EIF2AK1: variants seen among roughly 807,000 people sequenced by gnomAD.
The protein encoded by EIF2AK1 is eukaryotic translation initiation factor 2-alpha kinase 1.
EIF2AK1 carries 54 observed loss-of-function variants against 77.9 expected under a neutral mutation model. The ratio of observed to expected loss-of-function variants is 0.69; its 90% confidence interval spans 0.56 to 0.87. The LOEUF is 0.87. Ranked by LOEUF, EIF2AK1 falls within the 40% of genes least tolerant of loss-of-function variation. The probability of loss-of-function intolerance (pLI) is 0.00; values close to 1 mark genes in which losing one functional copy is unlikely to be tolerated. For synonymous variants in EIF2AK1, 314 were observed against 290.5 expected (o/e 1.08, Z -0.82); for missense variants, 810 against 768.6 (o/e 1.05, Z -0.64).
chr7:6,053,327 T>G (rs1788659581), intron 2 of EIF2AK1, among the ~76,000 whole-genome samples: 1 of 152,168 alleles, frequency 6.6e-6, no homozygotes, highest in Non-Finnish European at 1.5e-5. Flanking sequence ...CATTTATCCC[T>G]TCTTTGTGTT....
chr7:6,040,544 C>G (rs1401559226), intron 9 of EIF2AK1, among the ~76,000 whole-genome samples: 1 of 152,144 alleles, frequency 6.6e-6, no homozygotes, highest in African/African-American at 2.4e-5. Context: ...TGGGACTCAC[C>G]TAAAGTCATG....
Position 6,047,089 on chromosome 7 carries a change from G to A in EIF2AK1, c.452C>T (p.Ser151Leu). The change falls in exon 5 of 15, where the codon TCA (serine) becomes TTA (leucine). Residue 151 changes from serine (S) to leucine (L), a missense_variant and splice_region_variant. By Grantham distance (145) the Ser-to-Leu change is moderately radical (BLOSUM62 -2). Coordinates refer to ENST00000199389, the MANE Select transcript of EIF2AK1 (RefSeq NM_014413.4). ...EDISRIQKIRSREVALEAQTS... is the reference protein window; with the variant it reads ...EDISRIQKIRLREVALEAQTS... ...TTGTGCTTCCAAGGCTACTTCCCTT[G>A]ATCTGAAAGTTAAATACAAACAATC... The A allele has an allele frequency of 6.2e-7, 1 of 1,611,286 alleles. No homozygotes were observed. The highest frequency in any genetic ancestry group is 8.5e-7 in the Non-Finnish European group (1 of 1,178,232).
chr7:6,046,169 A>G lies in EIF2AK1; in HGVS notation c.550-18T>C. On this transcript the variant is annotated intron_variant, in intron 5 of 14. Transcript: ENST00000199389. ...TTCCTGACCTGAAAAGTAGAAAAAA[A>G]GACAAAGTATATTGTGTCATTAAAC... 7.1e-7 allele frequency: 1 copy of G among 1,399,302 alleles called. No individual in the cohort carries two copies. Among genetic ancestry groups the G allele is most frequent in the Middle Eastern group, 1.8e-4 (1 of 5,604 alleles). 86.7% of individuals were successfully genotyped at this position (1,399,302 alleles called of 1,614,324 possible). A position where few individuals can be genotyped will look rare whatever the true frequency, so the allele number is the denominator to read the frequency against.
chr7:6,030,685 G>A (rs773160386), intron 11 of EIF2AK1, among the ~76,000 whole-genome samples: 4 of 152,110 alleles, frequency 2.6e-5, no homozygotes, highest in Non-Finnish European at 4.4e-5. Flanking sequence ...TTTTAGTAGC[G>A]ACAGGGTTTC....
chr7:6,042,339 T>C (rs1414070776), intron 8 of EIF2AK1, among the ~76,000 whole-genome samples: 1 of 151,544 alleles, frequency 6.6e-6, no homozygotes, highest in Non-Finnish European at 1.5e-5. Flanking sequence ...TAATCCCAGC[T>C]TCTAGGGAGG....
In EIF2AK1 at chr7:6,058,988, C is replaced by A. The variant is rs532549531; in HGVS notation, c.96G>T (p.Glu32Asp). The part of the protein sequence containing the change: ...AAPPAIDFPA[E>D]GPDPEYDESD... Reference sequence around the variant, plus strand: ...CACCGTCATATTCGGGGTCCGGGCCCTCGGCGGGAAAGTCGATGGCCGGCG... The same window carrying A: ...CACCGTCATATTCGGGGTCCGGGCCATCGGCGGGAAAGTCGATGGCCGGCG... Residue 32 changes from glutamate to aspartate, a missense_variant, in exon 1 of 15, where the codon GAG (glutamate) becomes GAT (aspartate). Transcript: ENST00000199389. 2 of 1,541,388 alleles carry A rather than the reference C, an allele frequency of 1.3e-6. No individual in the cohort carries two copies. Among genetic ancestry groups the A allele is most frequent in the East Asian group, 2.7e-5 (1 of 37,014 alleles).
rs1174269929 is a variant in EIF2AK1, at chr7:6,035,452, C to G, written c.1332+1972G>C. ...ATCAATACCCATTCTAGGGACACGA[C>G]AGGCCTCACCACACTCAACTTAATG... On this transcript the variant is annotated intron_variant, in intron 11 of 14. Coordinates refer to ENST00000199389, the MANE Select transcript of EIF2AK1 (RefSeq NM_014413.4). The surrounding 1 kb of genome is among the most constrained non-coding windows in gnomAD (Gnocchi z 5.5). 1 of 1,549,958 alleles carries G rather than the reference C, an allele frequency of 6.5e-7. No homozygotes were observed. Among genetic ancestry groups the G allele is most frequent in the East Asian group, 2.4e-5 (1 of 40,916 alleles).
chr7:6,026,478 T>G (rs954252016), intron 14 of EIF2AK1: 9 of 654,110 alleles, frequency 1.4e-5, no homozygotes, highest in Non-Finnish European at 2.6e-5. Context: ...CGCTCCTCTT[T>G]GTGAACACCA....
At position 6,043,028 on chromosome 7, in the gene EIF2AK1, G is replaced by C. The variant is rs189966501; in HGVS notation, c.731-35C>G. 1.2e-3 allele frequency: 1,891 copies of C among 1,603,072 alleles called. 3 individuals carry two copies. The highest frequency in any genetic ancestry group is 1.4e-3 in the Admixed American group (84 of 59,316). On this transcript the variant is annotated intron_variant, in intron 7 of 14. Coordinates refer to ENST00000199389, the MANE Select transcript of EIF2AK1 (RefSeq NM_014413.4). ...AACAAACAACAATCATCTTCAAACA[G>C]CCCAGTTTTTCAAATTGTAGTCAAA...
At chr7:6,046,330 T>C (rs1788443594) in intron 5 of EIF2AK1, 179 bp from the exon 6 acceptor site, 3 of 372,440 alleles carry the variant, frequency 8.1e-6, no homozygotes, top group Non-Finnish European at 9.6e-6. Context: ...TCAGATAGTG[T>C]TGGAAGTCTA....
Position 6,024,704 on chromosome 7 carries a change from C to G in EIF2AK1, c.1862G>C (p.Arg621Thr). The change falls in exon 15 of 15, where the codon AGG becomes ACG. Residue 621 changes from arginine to threonine, a missense_variant. By Grantham distance (71) the Arg-to-Thr change is moderately conservative. This residue lies in a region of EIF2AK1 where 549 missense variants were observed against 533.7 expected (regional missense o/e 1.03). Transcript: ENST00000199389. The part of the protein sequence containing the change: ...LNLLSQDKGV[R>T]DDGKDGGVG ...CACGCCCCCATCCTTTCCGTCATCC[C>G]TCACCCCTTTGTCTTGAGAAAGGAG... 1 of 1,612,518 alleles carries G rather than the reference C, an allele frequency of 6.2e-7. No individual in the cohort carries two copies. The highest frequency in any genetic ancestry group is 8.5e-7 in the Non-Finnish European group (1 of 1,179,594).
chr7:6,041,017 C>A lies in EIF2AK1; in HGVS notation c.994G>T (p.Gly332Cys). The A allele has an allele frequency of 6.2e-7, 1 of 1,614,162 alleles. No homozygotes were observed. Among genetic ancestry groups the A allele is most frequent in the East Asian group, 2.2e-5 (1 of 44,882 alleles). The change falls in exon 9 of 15, where the codon GGT becomes TGT. Residue 332 changes from glycine to cysteine, a missense_variant. Gly to Cys is a radical substitution (Grantham distance 159). Around this residue, in one of 3 missense-constraint regions of EIF2AK1, gnomAD observed 549 missense variants for 533.7 expected, o/e 1.03. Transcript: ENST00000199389. Reference protein sequence around the residue: ...TLELQENGLAGLSASSIVEQQ... With the variant: ...TLELQENGLACLSASSIVEQQ... ...TCCACAATTGAACTGGCAGACAAAC[C>A]AGCCAAGCCATTTTCCTGGAGCTCC... is the stretch of plus-strand genomic sequence containing the variant.
chr7:6,053,952 A>T (rs1250365271), intron 2 of EIF2AK1, among the ~76,000 whole-genome samples: 1 of 151,760 alleles, frequency 6.6e-6, no homozygotes, highest in Non-Finnish European at 1.5e-5. Context: ...GATTACAGGC[A>T]TGAGCCACTG....
At chr7:6,051,930 T>C (rs1041389914) in intron 2 of EIF2AK1, among the ~76,000 whole-genome samples, 4 of 151,940 alleles carry the variant, frequency 2.6e-5, no homozygotes, top group Non-Finnish European at 5.9e-5. Context: ...CCCAGCACTT[T>C]GGGAGGCCAA....
chr7:6,037,254 A>G (rs1490315698), intron 11 of EIF2AK1, among the ~76,000 whole-genome samples, 170 bp downstream of exon 11: 1 of 151,936 alleles, frequency 6.6e-6, no homozygotes, highest in Non-Finnish European at 1.5e-5. Flanking sequence ...AATTCGACCT[A>G]ATGTTTCCAT....
Position 6,057,259 on chromosome 7 carries a change from T to C in EIF2AK1, c.118+1707A>G, listed in dbSNP as rs568766128. Among the ~76,000 whole-genome samples, 224 of 150,996 alleles carry C rather than the reference T, an allele frequency of 1.5e-3. 1 individual carries two copies. Among genetic ancestry groups the C allele is most frequent in the Non-Finnish European group, 2.4e-3 (165 of 67,858 alleles). On this transcript the variant is annotated intron_variant, in intron 1 of 14. Coordinates refer to ENST00000199389, the MANE Select transcript of EIF2AK1 (RefSeq NM_014413.4). ...CCATCTCTTTAAGAAAAAAAAAAAT[T>C]ATAGGTAGTATTAAGGATAAAAATG...
Position 6,038,630 on chromosome 7 carries a change from A to C in EIF2AK1, c.1161T>G (p.Cys387Trp). 1 of 1,613,330 alleles carries C rather than the reference A, an allele frequency of 6.2e-7. No individual in the cohort carries two copies. The highest frequency in any genetic ancestry group is 8.5e-7 in the Non-Finnish European group (1 of 1,179,644). The change falls in exon 10 of 15, where the codon TGT (cysteine) becomes TGG (tryptophan). Residue 387 changes from cysteine to tryptophan, a missense_variant. Around this residue, in one of 3 missense-constraint regions of EIF2AK1, gnomAD observed 549 missense variants for 533.7 expected, o/e 1.03. Transcript: ENST00000199389. ...HLMLHIQMQL[C>W]ELSLWDWIVE... ...CTATCCAATCCCACAGCGAGAGCTC[A>C]CACAGCTGCATCTGGATGTGCAGCA...
At chr7:6,044,787 T>A (rs1562753524) in intron 6 of EIF2AK1, 126 bp from the exon 7 acceptor site, 1 of 738,926 alleles carries the variant, frequency 1.4e-6, no homozygotes, top group Non-Finnish European at 2.2e-6. Context: ...ACATCACAAT[T>A]TTTGACATAC....
At chr7:6,037,384 A>C in intron 11 of EIF2AK1, 40 bp downstream of exon 11, 1 of 1,351,448 alleles carries the variant, frequency 7.4e-7, no homozygotes, top group Non-Finnish European at 1.1e-6. Flanking sequence ...CCTGATACAA[A>C]GCTCCCACTG....
Sources: allele counts gnomAD v4.1 joint callset (sites outside exome capture counted in the v4.1 genomes callset), GRCh38; gene constraint gnomAD v4.1.1; regional missense constraint gnomAD v4.1.1; non-coding constraint Gnocchi (gnomAD v3.1); transcripts MANE v1.5; gene names NCBI Gene and HGNC (gene_info 2026-07-23, HGNC 2026-07-21).